The following KHDRBS3 variants were observed in gnomAD, a reference collection of about 807,000 sequenced individuals.
KHDRBS3 encodes KH RNA binding domain containing, signal transduction associated 3.
KHDRBS3 carries 23 observed loss-of-function variants against 45.6 expected under a neutral mutation model. That is an observed-to-expected ratio of 0.50 (90% CI 0.36 to 0.72). KHDRBS3 has a LOEUF of 0.72. Ranked by LOEUF, KHDRBS3 falls within the 30% of genes least tolerant of loss-of-function variation. The pLI is 0.00. For missense variants in KHDRBS3, 352 were observed against 424.8 expected, an observed-to-expected ratio of 0.83 and a Z score of 1.51; for synonymous variants, 162 against 156.5, an observed-to-expected ratio of 1.04 and a Z score of -0.26.
At position 135,557,536 on chromosome 8, in the gene KHDRBS3, G is replaced by C; in HGVS notation, c.560G>C (p.Arg187Pro). ...GSENADVPVV[R>P]GKPTLRTRGV... ...GAAAATGCAGATGTTCCAGTGGTTC[G>C]AGGGAAACCCACCTTGCGTACAAGA... Residue 187 changes from arginine (R) to proline (P), a missense_variant, in exon 5 of 9, where the codon CGA becomes CCA. Physicochemically the swap from Arg to Pro is moderately radical, Grantham distance 103 (BLOSUM62 -2). Transcript: ENST00000355849. 1 of 1,612,736 alleles carries C rather than the reference G, an allele frequency of 6.2e-7. No individual in the cohort carries two copies. Among genetic ancestry groups the C allele is most frequent in the Non-Finnish European group, 8.5e-7 (1 of 1,178,758 alleles).
intron 7 of KHDRBS3, among the ~76,000 whole-genome samples, chr8:135,630,797 G>T (rs185854254): frequency 6.6e-6 from 1 of 152,142 alleles, no homozygotes; most frequent in African/African-American, 2.4e-5. Flanking sequence ...TGGTACACCT[G>T]TATAAGGCAC....
chr8:135,566,606 G>A (rs1563773178), intron 5 of KHDRBS3, among the ~76,000 whole-genome samples: 1 of 152,146 alleles, frequency 6.6e-6, no homozygotes, highest in Non-Finnish European at 1.5e-5. Flanking sequence ...TGAAATCCCA[G>A]CAGTTGCGGA....
chr8:135,581,994 C>T lies in KHDRBS3; in HGVS notation c.728C>T (p.Thr243Ile). The T allele has an allele frequency of 1.2e-6, 2 of 1,613,222 alleles. No individual in the cohort carries two copies. Among genetic ancestry groups the T allele is most frequent in the South Asian group, 1.1e-5 (1 of 90,862 alleles). ...GTGAGTCGGGGAAGAGGACTTCTCA[C>T]TCCCAGAGCAAGAGGAGTCCCCCCA... ...GPVSRGRGLL[T>I]PRARGVPPTG... Residue 243 changes from threonine (T) to isoleucine (I), a missense_variant, in exon 6 of 9, where the codon ACT (threonine) becomes ATT (isoleucine). By Grantham distance (89) the Thr-to-Ile change is moderately conservative. Around this residue, in one of 6 missense-constraint regions of KHDRBS3, gnomAD observed 212 missense variants for 209.6 expected, o/e 1.01. Coordinates refer to ENST00000355849, the MANE Select transcript of KHDRBS3 (RefSeq NM_006558.3).
At chr8:135,578,272 C>T (rs1007535731) in intron 5 of KHDRBS3, among the ~76,000 whole-genome samples, 3 of 151,936 alleles carry the variant, frequency 2.0e-5, no homozygotes, top group Admixed American at 1.3e-4. Context: ...CTTTCAAGGA[C>T]TTTTTTGATA....
intron 1 of KHDRBS3, among the ~76,000 whole-genome samples, chr8:135,513,658 C>G (rs1407506912): frequency 6.6e-6 from 1 of 152,064 alleles, no homozygotes; most frequent in Non-Finnish European, 1.5e-5. Flanking sequence ...CAAAAGGTGT[C>G]TTGGATGCAG....
At chr8:135,547,828 G>T (rs543419476) in intron 3 of KHDRBS3, among the ~76,000 whole-genome samples, 2 of 152,234 alleles carry the variant, frequency 1.3e-5, no homozygotes, top group South Asian at 4.2e-4. Flanking sequence ...ACTAACATTG[G>T]AAACAGAGAC....
At chr8:135,613,312 C>G (rs535772577) in intron 7 of KHDRBS3, among the ~76,000 whole-genome samples, 1 of 151,966 alleles carries the variant, frequency 6.6e-6, no homozygotes, top group South Asian at 2.1e-4. Context: ...TTAACATTTA[C>G]TGGCTCTGTA....
intron 1 of KHDRBS3, among the ~76,000 whole-genome samples, chr8:135,470,587 T>TTC (rs1821967632): frequency 6.6e-6 from 1 of 151,720 alleles, no homozygotes; most frequent in Non-Finnish European, 1.5e-5. Flanking sequence ...TTTTTTTTTT[T>TTC]TTCTTCTTCT....
chr8:135,461,380 G>A (rs1821424439), intron 1 of KHDRBS3, among the ~76,000 whole-genome samples: 1 of 152,214 alleles, frequency 6.6e-6, no homozygotes, highest in Admixed American at 6.5e-5. Flanking sequence ...TGGGATTACA[G>A]GTGTGAGCCA....
chr8:135,621,538 T>C (rs1328997474), intron 7 of KHDRBS3, among the ~76,000 whole-genome samples: 1 of 152,214 alleles, frequency 6.6e-6, no homozygotes, highest in Non-Finnish European at 1.5e-5. Context: ...ACTATTCGAA[T>C]GTAAGCTCTG....
intron 7 of KHDRBS3, among the ~76,000 whole-genome samples, chr8:135,613,354 C>T (rs1649152535): frequency 6.6e-6 from 1 of 151,776 alleles, no homozygotes; most frequent in Non-Finnish European, 1.5e-5. Context: ...CTCTCTAAGC[C>T]TCCTTTTATA....
At chr8:135,504,200 A>G (rs975182395) in intron 1 of KHDRBS3, among the ~76,000 whole-genome samples, 2 of 152,160 alleles carry the variant, frequency 1.3e-5, no homozygotes, top group Non-Finnish European at 2.9e-5. Flanking sequence ...TTTCCATATC[A>G]TTATTAATTT....
chr8:135,536,909 G>A (rs62525185), intron 2 of KHDRBS3, among the ~76,000 whole-genome samples: 114 of 138,070 alleles, frequency 8.3e-4, no homozygotes, highest in East Asian at 2.7e-3. Flanking sequence ...GCAGTGAGCC[G>A]AGATTGCGCC....
chr8:135,619,652 C>A (rs570689171), intron 7 of KHDRBS3, among the ~76,000 whole-genome samples: 1 of 152,098 alleles, frequency 6.6e-6, no homozygotes, highest in African/African-American at 2.4e-5. Flanking sequence ...ATCGTAAATG[C>A]TATCAATAGC....
chr8:135,578,562 T>C (rs1251753052), intron 5 of KHDRBS3, among the ~76,000 whole-genome samples: 1 of 152,230 alleles, frequency 6.6e-6, no homozygotes, highest in African/African-American at 2.4e-5. Flanking sequence ...CTGGGCTCTG[T>C]ATTTTGTTCC....
At chr8:135,472,017 G>A (rs1822042954) in intron 1 of KHDRBS3, among the ~76,000 whole-genome samples, 2 of 152,210 alleles carry the variant, frequency 1.3e-5, no homozygotes, top group Admixed American at 1.3e-4. Flanking sequence ...CTCAGTGTGT[G>A]TAGAATGAAT....
At chr8:135,593,664 G>A (rs1045986731) in intron 6 of KHDRBS3, among the ~76,000 whole-genome samples, 1 of 152,020 alleles carries the variant, frequency 6.6e-6, no homozygotes, top group African/African-American at 2.4e-5. Flanking sequence ...TTTTTATAGA[G>A]ACAGGGTCTC....
intron 2 of KHDRBS3, chr8:135,540,470 A>G (rs1825989472): frequency 2.0e-5 from 3 of 152,276 alleles, no homozygotes; most frequent in African/African-American, 7.2e-5. Context: ...AAAACCAGGC[A>G]TCTGCCCCTC....
intron 4 of KHDRBS3, among the ~76,000 whole-genome samples, chr8:135,555,402 G>A (rs960828456): frequency 2.6e-5 from 4 of 151,000 alleles, no homozygotes; most frequent in Admixed American, 2.6e-4. Flanking sequence ...AGTTCACCAG[G>A]TATCATTAGT....
Sources: allele counts gnomAD v4.1 joint callset (sites outside exome capture counted in the v4.1 genomes callset), GRCh38; gene constraint gnomAD v4.1.1; regional missense constraint gnomAD v4.1.1; transcripts MANE v1.5; gene names NCBI Gene and HGNC (gene_info 2026-07-23, HGNC 2026-07-21).